The following ERCC8 variants were observed in gnomAD, a reference collection of about 807,000 sequenced individuals.
The protein encoded by ERCC8 is ERCC excision repair 8, CSA ubiquitin ligase complex subunit.
In ERCC8, 52 loss-of-function variants were observed where a neutral mutation model predicts 54.9. The ratio of observed to expected loss-of-function variants is 0.95; its 90% confidence interval spans 0.76 to 1.19. The LOEUF (loss-of-function observed/expected upper bound fraction) is 1.19, where lower values mean the gene tolerates loss of function less well. Ranked by LOEUF, ERCC8 falls within the 50% of genes most tolerant of loss-of-function variation. The pLI, the probability that ERCC8 is intolerant of heterozygous loss-of-function variation, is 0.00. For synonymous variants in ERCC8, 146 were observed against 157.2 expected (o/e 0.93, Z 0.53); for missense variants, 514 against 466.1 (o/e 1.10, Z -0.95).
rs374785056 is a variant in ERCC8 at position 60,890,151 on chromosome 5, T to C, written c.1041+738A>G. Among the ~76,000 whole-genome samples the C allele has an allele frequency of 2.9e-4, 44 of 152,262 alleles. 1 individual carries two copies. In the East Asian group the frequency reaches 4.2e-3, roughly 15 times the overall value. ...TTACAGCACAGTGTCAGGCACAAAT[T>C]AGGCAATCAGTATTAATGAATGAAT... On this transcript the variant is annotated intron_variant, in intron 10 of 11. Coordinates refer to ENST00000676185, the MANE Select transcript of ERCC8 (RefSeq NM_000082.4).
chr5:60,903,459 A>G (rs1748958876), intron 6 of ERCC8, 189 bp downstream of exon 6: 2 of 886,720 alleles, frequency 2.3e-6, no homozygotes, highest in Admixed American at 6.3e-5. Flanking sequence ...TTGTTCATAT[A>G]AATGTGTTTT....
intron 1 of ERCC8, among the ~76,000 whole-genome samples, 190 bp downstream of exon 1, chr5:60,944,742 G>A (rs1188624934): frequency 5.0e-4 from 1 of 2,012 alleles, no homozygotes; most frequent in African/African-American, 2.1e-3. Context: ...CCCCACCCCC[G>A]CCGCCCCCCG....
chr5:60,879,563 T>G (rs1454880613), intron 11 of ERCC8, among the ~76,000 whole-genome samples: 3 of 152,254 alleles, frequency 2.0e-5, no homozygotes, highest in Non-Finnish European at 4.4e-5. Flanking sequence ...CTGTATTGGG[T>G]GCATATATAT....
At chr5:60,927,879 T>C (rs1157540502) in intron 2 of ERCC8, among the ~76,000 whole-genome samples, 1 of 152,208 alleles carries the variant, frequency 6.6e-6, no homozygotes, top group Non-Finnish European at 1.5e-5. Context: ...GATGAGACCA[T>C]GGTGGAAGCT....
At chr5:60,884,200 C>A (rs1169765878) in intron 11 of ERCC8, among the ~76,000 whole-genome samples, 2 of 152,086 alleles carry the variant, frequency 1.3e-5, no homozygotes, top group African/African-American at 4.8e-5. Flanking sequence ...AGTATGTGGG[C>A]TGAGGGTGGT....
At chr5:60,906,602 G>A (rs754470656) in intron 4 of ERCC8, among the ~76,000 whole-genome samples, 145 of 151,900 alleles carry the variant, frequency 9.5e-4, no homozygotes, top group Non-Finnish European at 1.7e-3. Context: ...GGTGGCAGGC[G>A]CCTGTAATCC....
At chr5:60,901,475 A>G (rs1057451481) in intron 7 of ERCC8, among the ~76,000 whole-genome samples, 3 of 152,002 alleles carry the variant, frequency 2.0e-5, no homozygotes, top group African/African-American at 4.8e-5. Flanking sequence ...TTCCAGATCC[A>G]TACTATCTTT....
At chr5:60,928,326 G>A (rs1580039286) in intron 2 of ERCC8, among the ~76,000 whole-genome samples, 2 of 152,150 alleles carry the variant, frequency 1.3e-5, no homozygotes, top group African/African-American at 2.4e-5. Flanking sequence ...CAGGTCTTAC[G>A]TTAATCATGT....
intron 11 of ERCC8, among the ~76,000 whole-genome samples, chr5:60,884,524 T>TG (rs1748339235): frequency 8.7e-5 from 1 of 11,466 alleles, no homozygotes; most frequent in Admixed American, 8.1e-4. Context: ...TGTGTATGTG[T>TG]TTTTTTTTTT....
intron 10 of ERCC8, among the ~76,000 whole-genome samples, chr5:60,888,649 TGGA>T (rs1425801488): frequency 6.6e-6 from 1 of 152,202 alleles, no homozygotes; most frequent in Non-Finnish European, 1.5e-5. Context: ...CTGTGATAGA[TGGA>T]GGAGTTCATT....
intron 1 of ERCC8, among the ~76,000 whole-genome samples, chr5:60,944,700 G>A (rs1474670972): frequency 7.3e-6 from 1 of 136,352 alleles, no homozygotes; most frequent in Non-Finnish European, 1.6e-5. Flanking sequence ...TGAGCCCGCG[G>A]GGGAACCCCC....
chr5:60,924,673 T>C (rs1005380628), intron 2 of ERCC8, among the ~76,000 whole-genome samples: 1 of 152,186 alleles, frequency 6.6e-6, no homozygotes, highest in Non-Finnish European at 1.5e-5. Flanking sequence ...TTCTATCATA[T>C]GTTATGCTGG....
At chr5:60,942,601 A>C (rs1233122155) in intron 1 of ERCC8, among the ~76,000 whole-genome samples, 1 of 152,174 alleles carries the variant, frequency 6.6e-6, no homozygotes, top group Admixed American at 6.5e-5. Flanking sequence ...TAGTGACCTA[A>C]AGCAGATTAG....
chr5:60,892,419 C>T (rs374117783), intron 9 of ERCC8: 2 of 549,316 alleles, frequency 3.6e-6, no homozygotes. Flanking sequence ...TTGGTCATTT[C>T]CTTAATTCTC....
At chr5:60,918,512 C>T in intron 3 of ERCC8, 124 bp from the exon 4 acceptor site, 1 of 793,410 alleles carries the variant, frequency 1.3e-6, no homozygotes, top group East Asian at 2.6e-5. Flanking sequence ...GATCACATGC[C>T]TGTGTCCAAG....
At chr5:60,888,446 C>G (rs1253789040) in intron 10 of ERCC8, among the ~76,000 whole-genome samples, 1 of 152,072 alleles carries the variant, frequency 6.6e-6, no homozygotes, top group Non-Finnish European at 1.5e-5. Flanking sequence ...CTGAGAAGGC[C>G]AGGTAATGCG....
chr5:60,937,412 C>A (rs1454028029), intron 1 of ERCC8, among the ~76,000 whole-genome samples: 1 of 152,116 alleles, frequency 6.6e-6, no homozygotes, highest in Admixed American at 6.5e-5. Context: ...GAAAAACCAT[C>A]AGGTGGGAGC....
chr5:60,941,350 A>G (rs1209765058), intron 1 of ERCC8, among the ~76,000 whole-genome samples: 2 of 152,250 alleles, frequency 1.3e-5, no homozygotes, highest in Non-Finnish European at 2.9e-5. Context: ...ACTTGAAGAT[A>G]GATCCATTAA....
intron 4 of ERCC8, among the ~76,000 whole-genome samples, chr5:60,906,607 T>C (rs1442944322): frequency 6.6e-6 from 1 of 151,880 alleles, no homozygotes; most frequent in Admixed American, 6.6e-5. Context: ...CAGGCGCCTG[T>C]AATCCCAGCT....
Sources: gnomAD v4.1 joint callset for allele counts (sites outside exome capture counted in the v4.1 genomes callset) on GRCh38, gnomAD v4.1.1 for gene constraint, MANE v1.5 for transcripts, NCBI Gene and HGNC (gene_info 2026-07-23, HGNC 2026-07-21) for gene names.